The following SPOCK3 variants were observed in gnomAD, a reference collection of about 807,000 sequenced individuals.
SPOCK3 encodes testican-3.
Under a neutral mutation model 56.6 loss-of-function variants are expected in SPOCK3, and 30 were observed. The observed-to-expected ratio is 0.53, with a 90% CI of 0.40 to 0.72. The LOEUF is 0.72. SPOCK3 is among the 30% of genes least tolerant of loss of function. The pLI, the probability that SPOCK3 is intolerant of heterozygous loss-of-function variation, is 0.00. For missense variants in SPOCK3, 527 were observed against 530.0 expected, an observed-to-expected ratio of 0.99 and a Z score of 0.06; for synonymous variants, 196 against 183.3, an observed-to-expected ratio of 1.07 and a Z score of -0.56.
Position 166,958,495 on chromosome 4 carries a change from C to G in SPOCK3, c.350+41854G>C, listed in dbSNP as rs140649250. Reference sequence around the variant, plus strand: ...TGTCATCTCTCATCTGTTATTGCAACAGCTTCCTCACAGGTCTCCCTGACT... The same window carrying G: ...TGTCATCTCTCATCTGTTATTGCAAGAGCTTCCTCACAGGTCTCCCTGACT... On this transcript the variant is annotated intron_variant, in intron 4 of 10. Transcript: ENST00000357545. 1.3e-3 allele frequency among the ~76,000 whole-genome samples: 199 copies of G among 152,322 alleles called. 1 individual carries two copies. Among genetic ancestry groups the G allele is most frequent in the African/African-American group, 4.0e-3 (166 of 41,570 alleles).
At chr4:166,852,247 T>C (rs542874607) in intron 6 of SPOCK3, among the ~76,000 whole-genome samples, 21 of 152,118 alleles carry the variant, frequency 1.4e-4, no homozygotes, top group Admixed American at 3.9e-4. Flanking sequence ...TGTATACATA[T>C]GTAACTAACC....
rs1737470195 is a variant in SPOCK3 at position 167,234,070 on chromosome 4, C to T, written c.104G>A (p.Gly35Asp). 6.2e-7 allele frequency: 1 copy of T among 1,613,828 alleles called. No homozygotes were observed. Among genetic ancestry groups the T allele is most frequent in the East Asian group, 2.2e-5 (1 of 44,846 alleles). Residue 35 changes from glycine (G) to aspartate (D), a missense_variant, in exon 2 of 11, where the codon GGC becomes GAC. Physicochemically the swap from Gly to Asp is moderately conservative, Grantham distance 94 (BLOSUM62 -1). Transcript: ENST00000357545. Reference protein sequence around the residue: ...AVAAAGGRSDGGNFLDDKQWL... With the variant: ...AVAAAGGRSDDGNFLDDKQWL... Reference sequence around the variant, plus strand: ...TTGTTTATCATCCAGAAAATTACCGCCGTCCGACCGCCCCCCGGCTGCAGC... The same window carrying T: ...TTGTTTATCATCCAGAAAATTACCGTCGTCCGACCGCCCCCCGGCTGCAGC...
chr4:167,074,584 G>A (rs6553541), intron 2 of SPOCK3, among the ~76,000 whole-genome samples: 151,883 of 151,962 alleles, frequency 1, 75,902 homozygotes, highest in Middle Eastern at 1. Context: ...GTAATATAGA[G>A]TGTGGTCTTT....
At chr4:166,800,188 A>AAAAAAAAAAAAAAAAAAAAG in intron 6 of SPOCK3, among the ~76,000 whole-genome samples, 1 of 128,498 alleles carries the variant, frequency 7.8e-6, no homozygotes, top group Non-Finnish European at 1.8e-5. Context: ...TCTCAGAAAA[A>AAAAAAAAAAAAAAAAAAAAG]AAAAAAAAAA....
At chr4:166,985,666 A>G (rs1206433590) in intron 4 of SPOCK3, among the ~76,000 whole-genome samples, 3 of 152,126 alleles carry the variant, frequency 2.0e-5, no homozygotes, top group East Asian at 3.9e-4. Flanking sequence ...ATTTTCTTGC[A>G]CTCAGATGAA....
chr4:166,840,771 G>GTTGTT (rs1747165330), intron 6 of SPOCK3, among the ~76,000 whole-genome samples: 1 of 68,194 alleles, frequency 1.5e-5, no homozygotes. Flanking sequence ...AGAAGCAAAA[G>GTTGTT]TTTTTTTTTT....
intron 2 of SPOCK3, among the ~76,000 whole-genome samples, chr4:167,152,347 G>A (rs147143055): frequency 6.6e-6 from 1 of 152,184 alleles, no homozygotes; most frequent in Admixed American, 6.5e-5. Context: ...GATGAAGAGA[G>A]CCGCAAAATG....
chr4:166,791,387 C>A (rs1036734194), intron 7 of SPOCK3, among the ~76,000 whole-genome samples: 1 of 152,140 alleles, frequency 6.6e-6, no homozygotes, highest in African/African-American at 2.4e-5. Flanking sequence ...TGTCACACAT[C>A]TGGTTCTTCT....
chr4:167,124,243 C>T (rs1247387995), intron 2 of SPOCK3, among the ~76,000 whole-genome samples: 2 of 152,130 alleles, frequency 1.3e-5, no homozygotes, highest in Non-Finnish European at 1.5e-5. Context: ...TTCATCTGGT[C>T]TTATGATTAA....
At chr4:167,084,841 A>G (rs1758042318) in intron 2 of SPOCK3, among the ~76,000 whole-genome samples, 2 of 152,150 alleles carry the variant, frequency 1.3e-5, no homozygotes, top group Admixed American at 1.3e-4. Flanking sequence ...AATGTGATTT[A>G]TAAATATATT....
At chr4:166,889,370 C>T (rs191724060) in intron 5 of SPOCK3, 126 bp from the exon 6 acceptor site, 62 of 614,930 alleles carry the variant, frequency 1.0e-4, no homozygotes, top group Admixed American at 1.0e-3. Flanking sequence ...CCAGGTAATA[C>T]GTCTCCAATA....
At chr4:167,005,622 A>G (rs1749391494) in intron 3 of SPOCK3, among the ~76,000 whole-genome samples, 1 of 152,034 alleles carries the variant, frequency 6.6e-6, no homozygotes, top group African/African-American at 2.4e-5. Flanking sequence ...ATCCTTTTAT[A>G]TACTTTGTGC....
intron 3 of SPOCK3, among the ~76,000 whole-genome samples, chr4:167,028,982 A>G (rs969986899): frequency 6.6e-6 from 1 of 151,976 alleles, no homozygotes; most frequent in African/African-American, 2.4e-5. Context: ...TTATATAGGT[A>G]AACGAGTGCC....
rs1395577906 is a variant in SPOCK3, at chr4:167,223,002, A to ATATATTTTATATATGAATATATAATATAT, written c.189+10954_189+10982dup. Among the ~76,000 whole-genome samples, 45 of 124,274 alleles carry ATATATTTTATATATGAATATATAATATAT rather than the reference A, an allele frequency of 3.6e-4. 2 individuals are homozygous for ATATATTTTATATATGAATATATAATATAT. The highest frequency in any genetic ancestry group is 7.0e-4 in the East Asian group (3 of 4,266). The allele number at this position is 124,274 out of a possible 152,430, so 81.5% of individuals were successfully genotyped here. On this transcript the variant is annotated intron_variant, in intron 2 of 10. Transcript: ENST00000357545. ...TATATATTATATTTTATATATGAAT[A>ATATATTTTATATATGAATATATAATATAT]TATATTTTATATATGAATATATAAT...
chr4:167,223,691 T>A (rs1736300378), intron 2 of SPOCK3, among the ~76,000 whole-genome samples: 1 of 152,082 alleles, frequency 6.6e-6, no homozygotes, highest in African/African-American at 2.4e-5. Flanking sequence ...GAATCATGCC[T>A]GTAATCCCAG....
intron 6 of SPOCK3, among the ~76,000 whole-genome samples, chr4:166,836,227 C>T (rs890068926): frequency 6.6e-6 from 1 of 152,170 alleles, no homozygotes; most frequent in Admixed American, 6.5e-5. Context: ...TACCCCTTCT[C>T]AGTCTTTTGA....
At chr4:167,122,594 TGTGAA>T (rs1761959455) in intron 2 of SPOCK3, among the ~76,000 whole-genome samples, 1 of 152,194 alleles carries the variant, frequency 6.6e-6, no homozygotes, top group African/African-American at 2.4e-5. Context: ...ACATTGTACT[TGTGAA>T]GTCATCACCC....
At chr4:166,952,619 T>C (rs1742807973) in intron 4 of SPOCK3, among the ~76,000 whole-genome samples, 2 of 152,286 alleles carry the variant, frequency 1.3e-5, no homozygotes, top group South Asian at 2.1e-4. Context: ...AGAGCCCGCA[T>C]CGTCAAGGCA....
intron 2 of SPOCK3, among the ~76,000 whole-genome samples, chr4:167,171,917 C>A (rs1341250104): frequency 6.6e-6 from 1 of 150,896 alleles, no homozygotes; most frequent in Non-Finnish European, 1.5e-5. Context: ...CCCACTCCCC[C>A]CATAATGAAA....
Sources: allele counts gnomAD v4.1 joint callset (sites outside exome capture counted in the v4.1 genomes callset), GRCh38; gene constraint gnomAD v4.1.1; transcripts MANE v1.5; gene names NCBI Gene and HGNC (gene_info 2026-07-23, HGNC 2026-07-21).